DPP10: variants seen among roughly 807,000 people sequenced by gnomAD.
DPP10 encodes the protein dipeptidyl peptidase like 10.
Under a neutral mutation model 120.9 loss-of-function variants are expected in DPP10, and 33 were observed. That is an observed-to-expected ratio of 0.27 (90% CI 0.21 to 0.37). The LOEUF is 0.37. DPP10 is among the 10% of genes least tolerant of loss of function. DPP10 has a pLI of 1.00. For missense variants in DPP10, 816 were observed against 942.8 expected (o/e 0.87, Z 1.76); for synonymous variants, 337 against 326.1 (o/e 1.03, Z -0.36).
intron 3 of DPP10, among the ~76,000 whole-genome samples, chr2:115,456,403 G>A (rs950419915): frequency 6.6e-6 from 1 of 152,288 alleles, no homozygotes; most frequent in Non-Finnish European, 1.5e-5. Context: ...ACAGTGTGGT[G>A]ATTCCTCAAG....
chr2:115,583,542 T>A (rs2082119084), intron 5 of DPP10, among the ~76,000 whole-genome samples: 1 of 152,156 alleles, frequency 6.6e-6, no homozygotes, highest in Non-Finnish European at 1.5e-5. Context: ...ATGACACATG[T>A]GGCCTTTGTG....
At chr2:114,779,926 G>C (rs895456293) in intron 1 of DPP10, among the ~76,000 whole-genome samples, 3 of 152,098 alleles carry the variant, frequency 2.0e-5, no homozygotes, top group African/African-American at 7.2e-5. Flanking sequence ...CACGAGGTCA[G>C]GAGATCGAGA....
At chr2:115,361,953 C>G (rs2064798061) in intron 3 of DPP10, among the ~76,000 whole-genome samples, 1 of 151,760 alleles carries the variant, frequency 6.6e-6, no homozygotes, top group South Asian at 2.1e-4. Context: ...CCTTTTAATT[C>G]AACTTGCTTT....
chr2:114,798,256 G>A (rs1325933688), intron 1 of DPP10, among the ~76,000 whole-genome samples: 1 of 152,090 alleles, frequency 6.6e-6, no homozygotes, highest in Non-Finnish European at 1.5e-5. Context: ...AACACCTGAA[G>A]TTTAAAGTAA....
chr2:115,437,715 T>G (rs915197504), intron 3 of DPP10, among the ~76,000 whole-genome samples: 9 of 152,042 alleles, frequency 5.9e-5, no homozygotes, highest in Admixed American at 1.3e-4. Flanking sequence ...CAGTGTGTGA[T>G]TATATTAAGA....
intron 1 of DPP10, among the ~76,000 whole-genome samples, chr2:114,542,558 C>T (rs769860505): frequency 2.0e-5 from 3 of 152,130 alleles, no homozygotes; most frequent in Non-Finnish European, 2.9e-5. Context: ...AGTTTCTGCC[C>T]CTCTTATCCC....
At chr2:114,669,150 T>A (rs998601466) in intron 1 of DPP10, among the ~76,000 whole-genome samples, 5 of 152,156 alleles carry the variant, frequency 3.3e-5, no homozygotes, top group Non-Finnish European at 7.4e-5. Flanking sequence ...CTCTAGTGAT[T>A]GCTATTTTAA....
At chr2:115,138,433 C>G (rs765706769) in intron 1 of DPP10, among the ~76,000 whole-genome samples, 1 of 152,200 alleles carries the variant, frequency 6.6e-6, no homozygotes, top group Non-Finnish European at 1.5e-5. Flanking sequence ...AAAATTAGGG[C>G]TGATTTGCAT....
At chr2:114,533,276 A>G (rs931982198) in intron 1 of DPP10, among the ~76,000 whole-genome samples, 2 of 152,046 alleles carry the variant, frequency 1.3e-5, no homozygotes, top group African/African-American at 4.8e-5. Context: ...AGATTCTCAC[A>G]TCCTTTCTCC....
At chr2:115,535,854 T>C (rs1012291350) in intron 5 of DPP10, among the ~76,000 whole-genome samples, 20 of 152,166 alleles carry the variant, frequency 1.3e-4, no homozygotes, top group Middle Eastern at 3.4e-3. Context: ...GATTCCTAGG[T>C]ATTTTATTCT....
chr2:115,215,254 A>G (rs1259711354), intron 1 of DPP10, among the ~76,000 whole-genome samples: 1 of 152,210 alleles, frequency 6.6e-6, no homozygotes, highest in East Asian at 1.9e-4. Flanking sequence ...GTCCAAATGA[A>G]GAAATATCTT....
intron 1 of DPP10, among the ~76,000 whole-genome samples, chr2:114,960,275 A>C (rs577458232): frequency 3.3e-5 from 5 of 152,048 alleles, no homozygotes; most frequent in Non-Finnish European, 7.4e-5. Context: ...TATGGCTCTC[A>C]TTACCAAAGT....
chr2:114,826,462 A>G (rs1441166048), intron 1 of DPP10, among the ~76,000 whole-genome samples: 1 of 152,244 alleles, frequency 6.6e-6, no homozygotes, highest in Non-Finnish European at 1.5e-5. Context: ...TTAAAAGCAT[A>G]AAAAGTTTAT....
chr2:115,272,453 G>T (rs956070781), intron 1 of DPP10, among the ~76,000 whole-genome samples: 14 of 152,116 alleles, frequency 9.2e-5, no homozygotes, highest in Non-Finnish European at 2.9e-5. Context: ...TATATTCTGA[G>T]TTTGAAATAG....
In DPP10 at chr2:115,244,744, T is replaced by C. The variant is rs550585216; in HGVS notation, c.61-64495T>C. On this transcript the variant is annotated intron_variant, in intron 1 of 25. Coordinates refer to ENST00000410059, the MANE Select transcript of DPP10 (RefSeq NM_020868.6). Reference sequence around the variant, plus strand: ...GATTCTATATATACTGTTTTTCCAATCCACATTCCAAGAGTACCTCTGTGT... The same window carrying C: ...GATTCTATATATACTGTTTTTCCAACCCACATTCCAAGAGTACCTCTGTGT... 8.6e-5 allele frequency among the ~76,000 whole-genome samples: 13 copies of C among 151,428 alleles called. No individual in the cohort carries two copies. The South Asian group carries it at 2.7e-3, about 31-fold the overall frequency.
chr2:115,242,019 T>G (rs534319855), intron 1 of DPP10, among the ~76,000 whole-genome samples: 1 of 152,260 alleles, frequency 6.6e-6, no homozygotes, highest in Non-Finnish European at 1.5e-5. Context: ...AAAAAATTTC[T>G]ATAGGTTTTT....
intron 1 of DPP10, among the ~76,000 whole-genome samples, chr2:115,182,382 C>T (rs2054137204): frequency 6.6e-6 from 1 of 152,086 alleles, no homozygotes; most frequent in Non-Finnish European, 1.5e-5. Context: ...ACATTTCAGG[C>T]TGGAAGAAGT....
intron 1 of DPP10, among the ~76,000 whole-genome samples, chr2:114,605,637 A>G (rs896664162): frequency 6.6e-6 from 1 of 152,116 alleles, no homozygotes; most frequent in African/African-American, 2.4e-5. Context: ...CAGATTTTGA[A>G]TGCACAGGGT....
chr2:114,975,190 C>T (rs564626297), intron 1 of DPP10, among the ~76,000 whole-genome samples: 2 of 151,920 alleles, frequency 1.3e-5, no homozygotes, highest in South Asian at 4.2e-4. Context: ...GGGCGACAGG[C>T]GCATGCCACC....
Sources: gnomAD v4.1 joint callset for allele counts (sites outside exome capture counted in the v4.1 genomes callset) on GRCh38, gnomAD v4.1.1 for gene constraint, MANE v1.5 for transcripts, NCBI Gene and HGNC (gene_info 2026-07-23, HGNC 2026-07-21) for gene names.